SLC44A1: variants seen among roughly 807,000 people sequenced by gnomAD.
SLC44A1 encodes the protein choline transporter-like protein 1.
SLC44A1 carries 26 observed loss-of-function variants against 79.3 expected under a neutral mutation model. That is an observed-to-expected ratio of 0.33 (90% confidence interval 0.24 to 0.46). The LOEUF is 0.46. Among genes scored for constraint, SLC44A1 ranks in the 20% least tolerant of loss-of-function variants. SLC44A1 has a pLI of 1.00. For missense variants in SLC44A1, 688 were observed against 798.1 expected (o/e 0.86, Z 1.66); for synonymous variants, 263 against 286.2 (o/e 0.92, Z 0.82).
At chr9:105,422,091 G>A (rs1184358135) in intron 15 of SLC44A1, among the ~76,000 whole-genome samples, 13 of 152,088 alleles carry the variant, frequency 8.5e-5, no homozygotes, top group African/African-American at 2.7e-4. Context: ...CAATAAGGAA[G>A]TCCACCAACT....
chr9:105,310,362 G>A (rs144400686), intron 3 of SLC44A1, among the ~76,000 whole-genome samples: 1 of 151,988 alleles, frequency 6.6e-6, no homozygotes, highest in African/African-American at 2.4e-5. Context: ...TTTGCTTTGG[G>A]TTCTCAATAT....
intron 1 of SLC44A1, among the ~76,000 whole-genome samples, chr9:105,279,751 G>C (rs1400256757): frequency 6.6e-6 from 1 of 152,068 alleles, no homozygotes; most frequent in Non-Finnish European, 1.5e-5. Flanking sequence ...CATTGTTCTA[G>C]AAGTTCTAAC....
intron 7 of SLC44A1, 117 bp from the exon 8 acceptor site, chr9:105,361,074 A>G (rs889076388): frequency 1.0e-6 from 1 of 1,002,338 alleles, no homozygotes; most frequent in Non-Finnish European, 1.6e-6. Flanking sequence ...AGCCAAATGG[A>G]TTGTCACTGC....
chr9:105,393,548 C>A lies in SLC44A1; in HGVS notation c.*4492C>A. 1 of 922,720 alleles carries A rather than the reference C, an allele frequency of 1.1e-6. No homozygotes were observed. Among genetic ancestry groups the A allele is most frequent in the Non-Finnish European group, 1.3e-6 (1 of 772,910 alleles). 57.2% of individuals were successfully genotyped at this position (922,720 alleles called of 1,614,324 possible). ...CCAAGATTTAAATCTTTGAAAATAT[C>A]TTTCTTATAGAAAACTTTAATGCAG... On this transcript the variant is annotated 3_prime_UTR_variant, in exon 16 of 16. Coordinates refer to ENST00000374720, the MANE Select transcript of SLC44A1 (RefSeq NM_080546.5).
At chr9:105,421,028 A>G (rs1829242617) in intron 15 of SLC44A1, among the ~76,000 whole-genome samples, 1 of 152,204 alleles carries the variant, frequency 6.6e-6, no homozygotes, top group Non-Finnish European at 1.5e-5. Flanking sequence ...TGAATAAAGT[A>G]ACAAATATCC....
intron 4 of SLC44A1, among the ~76,000 whole-genome samples, chr9:105,341,298 G>A (rs1424263163): frequency 7.5e-5 from 11 of 145,752 alleles, no homozygotes; most frequent in African/African-American, 2.3e-4. Flanking sequence ...TCGTGCCACT[G>A]CACTCCAGCC....
intron 15 of SLC44A1, among the ~76,000 whole-genome samples, chr9:105,403,752 G>A (rs1828988825): frequency 6.6e-6 from 1 of 150,500 alleles, no homozygotes; most frequent in Admixed American, 6.7e-5. Context: ...AGCCTTTGGG[G>A]AAAGGGAAGT....
intron 3 of SLC44A1, among the ~76,000 whole-genome samples, chr9:105,323,193 G>A (rs1826451903): frequency 7.2e-6 from 1 of 139,742 alleles, no homozygotes; most frequent in Non-Finnish European, 1.5e-5. Flanking sequence ...TACAGCCTGG[G>A]CAACAGAGTG....
At chr9:105,398,964 CTT>C (rs1828921870), downstream of SLC44A1, among the ~76,000 whole-genome samples, 1 of 152,162 alleles carries the variant, frequency 6.6e-6, no homozygotes, top group Non-Finnish European at 1.5e-5. Context: ...CACAAAAAAT[CTT>C]TTTAAAAAGT....
chr9:105,362,463 G>C (rs1827811049), intron 8 of SLC44A1, among the ~76,000 whole-genome samples: 1 of 152,060 alleles, frequency 6.6e-6, no homozygotes, highest in Non-Finnish European at 1.5e-5. Flanking sequence ...TAATAAGGAA[G>C]ATACAAATAA....
chr9:105,348,570 T>C, intron 5 of SLC44A1, 119 bp downstream of exon 5: 1 of 582,884 alleles, frequency 1.7e-6, no homozygotes, highest in Non-Finnish European at 3.0e-6. Context: ...TCCAATACTT[T>C]TATTAAAAAA....
Position 105,396,261 on chromosome 9 carries a change from C to CTAA in SLC44A1, c.*7208_*7210dup. 2 of 984,990 alleles carry CTAA rather than the reference C, an allele frequency of 2.0e-6. No homozygotes were observed. 61.0% of individuals were successfully genotyped at this position (984,990 alleles called of 1,614,324 possible). ...ATATTCTGGACCACTGAATGCACTT[C>CTAA]TAATAGAGCTTTAATCTAAAGAAGT... On this transcript the variant is annotated 3_prime_UTR_variant, in exon 16 of 16. Coordinates refer to ENST00000374720, the MANE Select transcript of SLC44A1 (RefSeq NM_080546.5).
chr9:105,389,866 C>G lies in SLC44A1; in HGVS notation c.*810C>G. ...TTTGAAAGGAAGCTGGGGCACCCAG[C>G]GAGTTTAGCCTTTAAGTTTCTGTGT... On this transcript the variant is annotated 3_prime_UTR_variant, in exon 16 of 16. Transcript: ENST00000374720. 1 of 1,478,910 alleles carries G rather than the reference C, an allele frequency of 6.8e-7. No homozygotes were observed. 91.6% of individuals were successfully genotyped at this position (1,478,910 alleles called of 1,614,324 possible).
At chr9:105,347,310 A>G (rs1279707847) in intron 4 of SLC44A1, among the ~76,000 whole-genome samples, 1 of 152,044 alleles carries the variant, frequency 6.6e-6, no homozygotes, top group Non-Finnish European at 1.5e-5. Flanking sequence ...AAAGTATTTG[A>G]CCAAATTAGT....
At chr9:105,351,593 A>AG (rs1564452708) in intron 5 of SLC44A1, among the ~76,000 whole-genome samples, 17 of 129,796 alleles carry the variant, frequency 1.3e-4, no homozygotes, top group African/African-American at 5.8e-4. Context: ...AGAAAGAGAG[A>AG]AAGAGAAAGA....
rs904838592 is a variant in SLC44A1 at position 105,389,260 on chromosome 9, A to C, written c.*204A>C. On this transcript the variant is annotated 3_prime_UTR_variant, in exon 16 of 16. Transcript: ENST00000374720. ...CCTTTTTTATGCTTATTTTTGTCAA[A>C]CATGTACTCCTTTCATACGGGTGGC... 8.0e-7 allele frequency: 1 copy of C among 1,249,882 alleles called. No individual in the cohort carries two copies. The highest frequency in any genetic ancestry group is 3.0e-5 in the East Asian group (1 of 32,892). 77.4% of individuals were successfully genotyped at this position (1,249,882 alleles called of 1,614,324 possible). A position where few individuals can be genotyped will look rare whatever the true frequency, so the allele number is the denominator to read the frequency against.
exon 16 of SLC44A1, chr9:105,438,444 A>G: frequency 1.6e-6 from 1 of 644,886 alleles, no homozygotes; most frequent in South Asian, 1.9e-5. Context: ...AACCACCAAC[A>G]GCCAAGTGGA....
chr9:105,348,219 T>A (rs991412351), intron 4 of SLC44A1, 139 bp from the exon 5 acceptor site: 2 of 543,234 alleles, frequency 3.7e-6, no homozygotes, highest in East Asian at 3.0e-5. Context: ...TGAGGACTTA[T>A]AATATGGATC....
At chr9:105,258,924 C>T (rs1195850703) in intron 1 of SLC44A1, among the ~76,000 whole-genome samples, 1 of 151,390 alleles carries the variant, frequency 6.6e-6, no homozygotes, top group African/African-American at 2.4e-5. Context: ...AGGCTGGTCT[C>T]AAATTCCTGA....
Sources: allele counts gnomAD v4.1 joint callset (sites outside exome capture counted in the v4.1 genomes callset), GRCh38; gene constraint gnomAD v4.1.1; transcripts MANE v1.5; gene names NCBI Gene and HGNC (gene_info 2026-07-23, HGNC 2026-07-21).